The following CCDC93 variants were observed in gnomAD, a reference collection of about 807,000 sequenced individuals.
CCDC93 encodes CCC complex scaffolding subunit CCDC93.
Under a neutral mutation model 108.2 loss-of-function variants are expected in CCDC93, and 61 were observed. The ratio of observed to expected loss-of-function variants is 0.56; its 90% CI spans 0.46 to 0.70. The LOEUF is 0.70. CCDC93 is among the 30% of genes least tolerant of loss of function. CCDC93 has a pLI of 0.00. For missense variants in CCDC93, 685 were observed against 764.2 expected, an observed-to-expected ratio of 0.90 and a Z score of 1.22; for synonymous variants, 276 against 260.4, an observed-to-expected ratio of 1.06 and a Z score of -0.58.
rs62161775 is a variant in CCDC93 at position 117,922,344 on chromosome 2, G to A, written c.1843-1948C>T. Among the ~76,000 whole-genome samples the A allele has an allele frequency of 1.3e-3, 198 of 152,228 alleles. 1 individual carries two copies. Among genetic ancestry groups the A allele is most frequent in the Non-Finnish European group, 2.3e-3 (158 of 68,010 alleles). ...TACAAAAGAGGCGCTTTGGGTGTTT[G>A]TTTCTAGAAGAAAAGGGAAAATGTC... On this transcript the variant is annotated intron_variant, in intron 23 of 23. Transcript: ENST00000376300.
intron 6 of CCDC93, among the ~76,000 whole-genome samples, chr2:117,994,143 A>T (rs552377016): frequency 4.6e-5 from 7 of 152,252 alleles, no homozygotes; most frequent in Non-Finnish European, 1.0e-4. Context: ...CAATAAAAAC[A>T]TGGAAGAAAT....
At position 117,920,075 on chromosome 2, in the gene CCDC93, T is replaced by G; in HGVS notation, c.*268A>C. ...CATAAGCGCAATGTTACTGGAGACA[T>G]AAAAGTTGAATCAACAGAGAACAAG... is the stretch of plus-strand genomic sequence containing the variant. On this transcript the variant is annotated 3_prime_UTR_variant, in exon 24 of 24. Transcript: ENST00000376300. The G allele has an allele frequency of 3.0e-6, 1 of 334,044 alleles. No individual in the cohort carries two copies. The allele number at this position is 334,044 out of a possible 1,614,324, so 20.7% of individuals were successfully genotyped here.
At chr2:117,983,665 T>C (rs1232337982) in intron 7 of CCDC93, among the ~76,000 whole-genome samples, 1 of 25,928 alleles carries the variant, frequency 3.9e-5, no homozygotes, top group Non-Finnish European at 7.9e-5. Flanking sequence ...TATATATATA[T>C]ATATATATAT....
chr2:117,959,142 G>A (rs1335430619), intron 11 of CCDC93, among the ~76,000 whole-genome samples: 1 of 152,178 alleles, frequency 6.6e-6, no homozygotes, highest in Non-Finnish European at 1.5e-5. Context: ...AGATGATGAG[G>A]TGAATGTGAT....
intron 11 of CCDC93, among the ~76,000 whole-genome samples, chr2:117,972,211 C>T (rs1244297259): frequency 1.3e-5 from 2 of 152,138 alleles, no homozygotes; most frequent in Non-Finnish European, 2.9e-5. Context: ...GAATCAACAG[C>T]ATATATGTCC....
intron 11 of CCDC93, among the ~76,000 whole-genome samples, chr2:117,972,664 C>T (rs1337410662): frequency 4.0e-5 from 6 of 151,250 alleles, no homozygotes; most frequent in African/African-American, 9.8e-5. Flanking sequence ...AACATAAGGG[C>T]GGGTATAAAC....
chr2:118,007,231 T>C (rs1676897786), intron 2 of CCDC93, among the ~76,000 whole-genome samples: 2 of 152,282 alleles, frequency 1.3e-5, no homozygotes, highest in Non-Finnish European at 2.9e-5. Context: ...GCTGACATTT[T>C]GTTTCCATAC....
chr2:117,988,741 A>G (rs1232723348), intron 6 of CCDC93, among the ~76,000 whole-genome samples: 1 of 152,230 alleles, frequency 6.6e-6, no homozygotes, highest in African/African-American at 2.4e-5. Context: ...TAATAAAATA[A>G]CAAAAATGAA....
Position 117,925,403 on chromosome 2 carries a change from C to A in CCDC93, c.1843-5007G>T, listed in dbSNP as rs529444289. Among the ~76,000 whole-genome samples the A allele has an allele frequency of 3.9e-5, 6 of 151,986 alleles. No individual in the cohort carries two copies. The South Asian group carries it at 1.2e-3, about 32-fold the overall frequency. On this transcript the variant is annotated intron_variant, in intron 23 of 23. Coordinates refer to ENST00000376300, the MANE Select transcript of CCDC93 (RefSeq NM_019044.5). ...TCTCATATGCAGAGACACACATAGGCTCAAAATAAAGGGATGGAGGAAGAT... is the reference window on the plus strand; with the variant it reads ...TCTCATATGCAGAGACACACATAGGATCAAAATAAAGGGATGGAGGAAGAT...
chr2:117,952,262 G>C lies in CCDC93; in HGVS notation c.1068+111C>G, dbSNP rs1349262558. 7.6e-6 allele frequency: 6 copies of C among 785,840 alleles called. No individual in the cohort carries two copies. The Admixed American group carries it at 9.3e-5, about 12-fold the overall frequency. 48.7% of individuals were successfully genotyped at this position (785,840 alleles called of 1,614,324 possible). Reference sequence around the variant, plus strand: ...AAAATGACTGCAGCCTCTGAGAACAGGATCGTGTCTCCCACACACAGACCG... The same window carrying C: ...AAAATGACTGCAGCCTCTGAGAACACGATCGTGTCTCCCACACACAGACCG... On this transcript the variant is annotated intron_variant, in intron 13 of 23. Coordinates refer to ENST00000376300, the MANE Select transcript of CCDC93 (RefSeq NM_019044.5).
chr2:117,945,528 C>A lies in CCDC93; in HGVS notation c.1350+1G>T, dbSNP rs140512719. ...CCAGTCCTGAGCAGGCAGGTACTTA[C>A]GTCATGAGTCATTGCAGAGGTCAAG... is the stretch of plus-strand genomic sequence containing the variant. On this transcript the variant is annotated splice_donor_variant, in intron 17 of 23. Transcript: ENST00000376300. LOFTEE classifies it high-confidence loss of function. The A allele has an allele frequency of 6.2e-7, 1 of 1,613,544 alleles. No individual in the cohort carries two copies. Among genetic ancestry groups the A allele is most frequent in the Admixed American group, 1.7e-5 (1 of 60,022 alleles).
chr2:117,967,853 C>G (rs550452462), intron 11 of CCDC93, among the ~76,000 whole-genome samples: 1 of 152,198 alleles, frequency 6.6e-6, no homozygotes, highest in South Asian at 2.1e-4. Context: ...GTTTCAACTG[C>G]ATATAAGTAT....
intron 6 of CCDC93, among the ~76,000 whole-genome samples, chr2:117,993,733 T>G (rs1680558736): frequency 6.6e-6 from 1 of 152,158 alleles, no homozygotes; most frequent in African/African-American, 2.4e-5. Context: ...TGTTGTGTTT[T>G]TGTTTTTGTT....
At chr2:118,013,869 C>T in intron 1 of CCDC93, 85 bp downstream of exon 1, 2 of 1,286,210 alleles carry the variant, frequency 1.6e-6, no homozygotes, top group Non-Finnish European at 2.1e-6. Context: ...CCTAACGCAC[C>T]CAGGGCCCGC....
At chr2:117,995,954 ATAT>A (rs746132603) in intron 5 of CCDC93, among the ~76,000 whole-genome samples, 26 of 151,720 alleles carry the variant, frequency 1.7e-4, no homozygotes, top group African/African-American at 4.6e-4. Flanking sequence ...GTTTTTAATT[ATAT>A]TATTATTATT....
At chr2:117,937,320 A>G (rs899471181) in intron 20 of CCDC93, among the ~76,000 whole-genome samples, 1 of 152,172 alleles carries the variant, frequency 6.6e-6, no homozygotes, top group Non-Finnish European at 1.5e-5. Flanking sequence ...AGTCCTGGGA[A>G]GGGCTCTGAG....
intron 16 of CCDC93, among the ~76,000 whole-genome samples, chr2:117,946,428 T>C (rs1156673343): frequency 6.6e-6 from 1 of 152,184 alleles, no homozygotes; most frequent in Non-Finnish European, 1.5e-5. Flanking sequence ...TGTTGCTGCC[T>C]TTTGGGAGTG....
At chr2:117,999,602 C>T (rs1468529118) in intron 4 of CCDC93, 1 of 152,092 alleles carries the variant, frequency 6.6e-6, no homozygotes, top group Non-Finnish European at 1.5e-5. Flanking sequence ...GCAGTTGTCC[C>T]AAGGAATCTG....
intron 3 of CCDC93, among the ~76,000 whole-genome samples, chr2:118,002,304 C>A (rs1258067202): frequency 6.6e-6 from 1 of 152,168 alleles, no homozygotes; most frequent in African/African-American, 2.4e-5. Flanking sequence ...TCAAGATGAA[C>A]ATCTGACTCA....
Sources: gnomAD v4.1 joint callset for allele counts (sites outside exome capture counted in the v4.1 genomes callset) on GRCh38, gnomAD v4.1.1 for gene constraint, MANE v1.5 for transcripts, NCBI Gene and HGNC (gene_info 2026-07-23, HGNC 2026-07-21) for gene names.